ACACA: variants seen among roughly 807,000 people sequenced by gnomAD.
ACACA encodes acetyl-CoA carboxylase 1.
In ACACA, 103 loss-of-function variants were observed where a neutral mutation model predicts 296.1. The observed-to-expected ratio is 0.35, with a 90% confidence interval of 0.30 to 0.41. The LOEUF is 0.41. Among genes scored for constraint, ACACA ranks in the 10% least tolerant of loss-of-function variants. The pLI, the probability that ACACA is intolerant of heterozygous loss-of-function variation, is 1.00. For missense variants in ACACA, 1,554 were observed against 2,989.7 expected (o/e 0.52, Z 11.20); for synonymous variants, 953 against 1,038.6 (o/e 0.92, Z 1.58).
chr17:37,313,649 G>A (rs1278547284), intron 3 of ACACA, among the ~76,000 whole-genome samples: 1 of 152,172 alleles, frequency 6.6e-6, no homozygotes. Context: ...AGTTAAAATG[G>A]CTTTTACCCA....
intron 1 of ACACA, chr17:37,359,023 G>A: frequency 1.0e-6 from 1 of 985,826 alleles, no homozygotes; most frequent in Non-Finnish European, 1.2e-6. Flanking sequence ...GTGTGCGGTC[G>A]GGCGATTCCG....
intron 28 of ACACA, among the ~76,000 whole-genome samples, chr17:37,223,175 T>C (rs538860203): frequency 2.0e-5 from 3 of 152,212 alleles, no homozygotes; most frequent in Admixed American, 6.5e-5. Context: ...AGATGACACA[T>C]GCTCTGATCA....
chr17:37,100,116 T>C (rs2073272111), intron 52 of ACACA, among the ~76,000 whole-genome samples: 1 of 152,096 alleles, frequency 6.6e-6, no homozygotes, highest in Admixed American at 6.5e-5. Context: ...AGAAGAACAA[T>C]AAGTGTAGCG....
chr17:37,225,261 A>G (rs532189319), intron 26 of ACACA, 156 bp from the exon 27 acceptor site: 2 of 629,374 alleles, frequency 3.2e-6, no homozygotes, highest in Admixed American at 2.4e-5. Context: ...TAGGTCCTGT[A>G]ACATAAAGCC....
chr17:37,309,594 G>A (rs1037628310), intron 3 of ACACA, among the ~76,000 whole-genome samples: 1 of 152,126 alleles, frequency 6.6e-6, no homozygotes, highest in African/African-American at 2.4e-5. Flanking sequence ...GAGAGTGAAA[G>A]TGAATTCTAG....
Position 37,113,003 on chromosome 17 carries a change from G to T in ACACA, c.6452+85C>A. 6.6e-7 allele frequency: 1 copy of T among 1,517,640 alleles called. No individual in the cohort carries two copies. Among genetic ancestry groups the T allele is most frequent in the Non-Finnish European group, 9.1e-7 (1 of 1,099,900 alleles). The allele number at this position is 1,517,640 out of a possible 1,614,324, so 94.0% of individuals were successfully genotyped here. A position where few individuals can be genotyped will look rare whatever the true frequency, so the allele number is the denominator to read the frequency against. On this transcript the variant is annotated intron_variant, in intron 51 of 55. Coordinates refer to ENST00000616317, the MANE Select transcript of ACACA (RefSeq NM_198834.3). This position sits in a 1 kb window ranked among gnomAD's most constrained non-coding sequence, Gnocchi z 4.0. ...AATCACAGGATGTGGGTGCTGTAGT[G>T]CCATGGCTGTAACATTCTCCAGGAG...
chr17:37,154,840 A>C (rs952438708), intron 43 of ACACA, among the ~76,000 whole-genome samples: 29 of 152,184 alleles, frequency 1.9e-4, no homozygotes, highest in Admixed American at 7.9e-4. Context: ...AGATTATATA[A>C]AAACATTCAA....
At chr17:37,298,182 C>T (rs1277810639) in intron 3 of ACACA, among the ~76,000 whole-genome samples, 1 of 151,982 alleles carries the variant, frequency 6.6e-6, no homozygotes, top group Non-Finnish European at 1.5e-5. Context: ...TGGTTATCCC[C>T]TCAAAGGGTG....
At chr17:37,267,944 A>G (rs542350110) in intron 10 of ACACA, among the ~76,000 whole-genome samples, 1 of 152,146 alleles carries the variant, frequency 6.6e-6, no homozygotes, top group African/African-American at 2.4e-5. Context: ...TATTTTTAGT[A>G]GAGATGGGGT....
At chr17:37,093,800 T>C (rs533063769) in intron 54 of ACACA, among the ~76,000 whole-genome samples, 237 of 152,308 alleles carry the variant, frequency 1.6e-3, no homozygotes, top group Non-Finnish European at 2.5e-3. Flanking sequence ...ATCTGACTTA[T>C]GCTCCATACT....
intron 3 of ACACA, among the ~76,000 whole-genome samples, chr17:37,298,535 A>C (rs1451357316): frequency 6.6e-6 from 1 of 152,148 alleles, no homozygotes; most frequent in Non-Finnish European, 1.5e-5. Flanking sequence ...CTTGAAAAAA[A>C]AATTAGCCAG....
intron 11 of ACACA, among the ~76,000 whole-genome samples, chr17:37,260,309 TTTTTTTTG>T (rs1567900317): frequency 8.7e-4 from 92 of 105,798 alleles, no homozygotes; most frequent in South Asian, 1.6e-3. Flanking sequence ...TTTTTTTTTT[TTTTTTTTG>T]GAGATGGAGT....
intron 54 of ACACA, among the ~76,000 whole-genome samples, chr17:37,089,569 C>T (rs2072469754): frequency 6.6e-6 from 1 of 152,192 alleles, no homozygotes; most frequent in African/African-American, 2.4e-5. Flanking sequence ...GATGAAGTCT[C>T]CTGAAATAGA....
At chr17:37,403,767 G>C (rs577375036) in intron 1 of ACACA, among the ~76,000 whole-genome samples, 21 of 152,090 alleles carry the variant, frequency 1.4e-4, no homozygotes, top group Non-Finnish European at 2.5e-4. Flanking sequence ...CCAGGTAGTT[G>C]AATGCTATGA....
chr17:37,335,909 T>C (rs562398871), intron 2 of ACACA, among the ~76,000 whole-genome samples: 1 of 152,044 alleles, frequency 6.6e-6, no homozygotes, highest in African/African-American at 2.4e-5. Context: ...TCCGGAATCA[T>C]CACCGAGAAA....
intron 3 of ACACA, among the ~76,000 whole-genome samples, chr17:37,295,186 T>C (rs1283276699): frequency 1.3e-5 from 2 of 152,108 alleles, no homozygotes; most frequent in African/African-American, 2.4e-5. Flanking sequence ...CTGGAAAAGA[T>C]AGAAAGGAGT....
chr17:37,203,372 T>A (rs1159396801), intron 33 of ACACA, among the ~76,000 whole-genome samples: 2 of 152,110 alleles, frequency 1.3e-5, no homozygotes, highest in African/African-American at 4.8e-5. Context: ...ACATGGGCAA[T>A]TAGTGCCTCA....
chr17:37,292,813 G>A (rs1327600446), intron 3 of ACACA, among the ~76,000 whole-genome samples: 2 of 152,202 alleles, frequency 1.3e-5, no homozygotes, highest in African/African-American at 2.4e-5. Context: ...GCAGTGAGCT[G>A]AGAGCGCACC....
intron 1 of ACACA, among the ~76,000 whole-genome samples, chr17:37,393,206 T>C (rs911841906): frequency 3.5e-4 from 52 of 150,294 alleles, no homozygotes; most frequent in Non-Finnish European, 5.6e-4. Context: ...CTTGAAAATA[T>C]AGTAGAGAGG....
Sources: gnomAD v4.1 joint callset for allele counts (sites outside exome capture counted in the v4.1 genomes callset) on GRCh38, gnomAD v4.1.1 for gene constraint, Gnocchi (gnomAD v3.1) non-coding constraint, MANE v1.5 for transcripts, NCBI Gene and HGNC (gene_info 2026-07-23, HGNC 2026-07-21) for gene names.